Variants in APBA1 observed in about 807,000 individuals in gnomAD.
APBA1 encodes amyloid beta precursor protein binding family A member 1.
APBA1 carries 55 observed loss-of-function variants against 86.6 expected under a neutral mutation model. The ratio of observed to expected loss-of-function variants is 0.64; its 90% CI spans 0.51 to 0.80. The LOEUF is 0.80. Among genes scored for constraint, APBA1 ranks in the 30% least tolerant of loss-of-function variants. The pLI is 0.00. For synonymous variants in APBA1, 511 were observed against 493.9 expected, an observed-to-expected ratio of 1.03 and a Z score of -0.46; for missense variants, 1,090 against 1,183.0, an observed-to-expected ratio of 0.92 and a Z score of 1.15.
intron 1 of APBA1, among the ~76,000 whole-genome samples, chr9:69,543,356 G>C (rs1054604744): frequency 6.6e-6 from 1 of 151,888 alleles, no homozygotes; most frequent in African/African-American, 2.4e-5. Context: ...CCCTACTCTG[G>C]GGCAGAGCAA....
At chr9:69,432,830 C>CA (rs36069357) in intron 11 of APBA1, among the ~76,000 whole-genome samples, 154 bp from the exon 12 acceptor site, 4 of 152,102 alleles carry the variant, frequency 2.6e-5, no homozygotes, top group African/African-American at 9.7e-5. Context: ...TGTCTTTTCA[C>CA]AAAAAAATAG....
rs144248964 is a variant in APBA1, at chr9:69,449,572, A to T, written c.2181+12T>A. 6 of 1,609,604 alleles carry T rather than the reference A, an allele frequency of 3.7e-6. No individual in the cohort carries two copies. The highest frequency in any genetic ancestry group is 5.1e-6 in the Non-Finnish European group (6 of 1,176,684). ...TTTACCACATCAACTGATTTTTCCC[A>T]TATTCAGGTACCTTAATAATGCTCT... On this transcript the variant is annotated intron_variant, in intron 10 of 12. Coordinates refer to ENST00000265381, the MANE Select transcript of APBA1 (RefSeq NM_001163.4).
chr9:69,456,633 A>G (rs1835102432), intron 7 of APBA1, among the ~76,000 whole-genome samples: 1 of 152,120 alleles, frequency 6.6e-6, no homozygotes, highest in Non-Finnish European at 1.5e-5. Flanking sequence ...GCAGGAAATG[A>G]TCTGTGGCAG....
intron 1 of APBA1, among the ~76,000 whole-genome samples, chr9:69,610,566 A>G (rs1822567045): frequency 6.6e-6 from 1 of 152,070 alleles, no homozygotes; most frequent in Admixed American, 6.6e-5. Flanking sequence ...GTTTTGTTAC[A>G]TGTCTGTCAA....
intron 10 of APBA1, among the ~76,000 whole-genome samples, chr9:69,448,874 C>T (rs918366488): frequency 2.6e-5 from 4 of 152,194 alleles, no homozygotes; most frequent in Non-Finnish European, 5.9e-5. Context: ...TTCAGCAAGT[C>T]CCAATGTGCT....
chr9:69,563,930 T>A (rs1367153514), intron 1 of APBA1, among the ~76,000 whole-genome samples: 1 of 152,114 alleles, frequency 6.6e-6, no homozygotes, highest in African/African-American at 2.4e-5. Flanking sequence ...CTCCTCAAGG[T>A]CAAGTCTCAG....
chr9:69,632,116 AAC>A (rs1399667831), intron 1 of APBA1, among the ~76,000 whole-genome samples: 4 of 152,094 alleles, frequency 2.6e-5, no homozygotes, highest in African/African-American at 9.6e-5. Flanking sequence ...TTCTCTGAAT[AAC>A]ACAGGAAAGA....
chr9:69,624,474 G>T (rs1397049708), intron 1 of APBA1, among the ~76,000 whole-genome samples: 1 of 152,050 alleles, frequency 6.6e-6, no homozygotes, highest in Admixed American at 6.5e-5. Flanking sequence ...AAGCATGAGG[G>T]GCTATGCTCA....
chr9:69,475,126 T>C (rs1835422166), intron 3 of APBA1, among the ~76,000 whole-genome samples: 1 of 152,108 alleles, frequency 6.6e-6, no homozygotes, highest in Non-Finnish European at 1.5e-5. Context: ...GGACCCTGGG[T>C]ACGGGGGAAG....
rs184008803 is a variant in APBA1, at chr9:69,460,255, T to C, written c.1483-2067A>G. Among the ~76,000 whole-genome samples the C allele has an allele frequency of 2.2e-3, 329 of 152,328 alleles. 1 individual carries two copies. The highest frequency in any genetic ancestry group is 7.4e-3 in the African/African-American group (308 of 41,578). ...GCCCTGCTGTTCTTACTGGTCGCCA[T>C]GAGTTCACAGTGAATAGTCTGCTCT... On this transcript the variant is annotated intron_variant, in intron 5 of 12. Coordinates refer to ENST00000265381, the MANE Select transcript of APBA1 (RefSeq NM_001163.4).
At chr9:69,543,444 A>C (rs1414245043) in intron 1 of APBA1, among the ~76,000 whole-genome samples, 1 of 152,158 alleles carries the variant, frequency 6.6e-6, no homozygotes, top group Non-Finnish European at 1.5e-5. Flanking sequence ...CTACCTTTCC[A>C]GACCGCCACT....
intron 1 of APBA1, among the ~76,000 whole-genome samples, chr9:69,577,691 A>G (rs1588374291): frequency 6.6e-6 from 1 of 152,358 alleles, no homozygotes; most frequent in South Asian, 2.1e-4. Context: ...CTTCATATAA[A>G]TGGAATATGA....
chr9:69,453,699 G>C (rs1417294699), intron 8 of APBA1, among the ~76,000 whole-genome samples: 1 of 152,166 alleles, frequency 6.6e-6, no homozygotes, highest in East Asian at 1.9e-4. Flanking sequence ...TGCAAATACT[G>C]TACATTGTGC....
chr9:69,599,648 G>A (rs1026120983), intron 1 of APBA1, among the ~76,000 whole-genome samples: 1 of 152,210 alleles, frequency 6.6e-6, no homozygotes, highest in African/African-American at 2.4e-5. Flanking sequence ...GGTTCTCAAA[G>A]TGTGGCCCCT....
intron 1 of APBA1, among the ~76,000 whole-genome samples, chr9:69,648,524 A>G (rs976551097): frequency 6.6e-6 from 1 of 152,194 alleles, no homozygotes; most frequent in Non-Finnish European, 1.5e-5. Flanking sequence ...TCTCTTTTCA[A>G]CCTAGTTGTT....
intron 2 of APBA1, among the ~76,000 whole-genome samples, chr9:69,515,337 C>A (rs1836119307): frequency 6.6e-6 from 1 of 152,076 alleles, no homozygotes; most frequent in Non-Finnish European, 1.5e-5. Context: ...GGCCAGCATA[C>A]AACCACTCCT....
chr9:69,642,059 A>C (rs1823298766), intron 1 of APBA1, among the ~76,000 whole-genome samples: 1 of 152,170 alleles, frequency 6.6e-6, no homozygotes, highest in Non-Finnish European at 1.5e-5. Context: ...TTGCCCAGGC[A>C]TGAAGACTTC....
At chr9:69,593,122 C>T (rs908928466) in intron 1 of APBA1, among the ~76,000 whole-genome samples, 7 of 152,136 alleles carry the variant, frequency 4.6e-5, no homozygotes, top group African/African-American at 1.4e-4. Flanking sequence ...TCATATCTTC[C>T]GAAGATAATG....
intron 1 of APBA1, among the ~76,000 whole-genome samples, chr9:69,586,783 A>T (rs1822026959): frequency 6.6e-6 from 1 of 152,188 alleles, no homozygotes; most frequent in South Asian, 2.1e-4. Context: ...AGAGGTGGGA[A>T]ATATAAGGGA....
Sources: allele counts gnomAD v4.1 joint callset (sites outside exome capture counted in the v4.1 genomes callset), GRCh38; gene constraint gnomAD v4.1.1; transcripts MANE v1.5; gene names NCBI Gene and HGNC (gene_info 2026-07-23, HGNC 2026-07-21).